Variants in BABAM2 observed in about 807,000 individuals in gnomAD.
The protein encoded by BABAM2 is BRISC and BRCA1 A complex member 2.
In BABAM2, 31 loss-of-function variants were observed where a neutral mutation model predicts 54.7. The ratio of observed to expected loss-of-function variants is 0.57; its 90% CI spans 0.43 to 0.77. The LOEUF (loss-of-function observed/expected upper bound fraction) is 0.77. BABAM2 is among the 30% of genes least tolerant of loss of function. The pLI, the probability that BABAM2 is intolerant of heterozygous loss-of-function variation, is 0.00. For missense variants in BABAM2, 364 were observed against 455.8 expected (o/e 0.80, Z 1.83); for synonymous variants, 167 against 162.9 (o/e 1.03, Z -0.19).
Position 28,322,235 on chromosome 2 carries a change from ATTCGGTGCACAAGTGTCCCTGAAC to A in BABAM2, c.1089-16207_1089-16184del, listed in dbSNP as rs961766209. On this transcript the variant is annotated intron_variant, in intron 11 of 11. Coordinates refer to ENST00000379624, the MANE Select transcript of BABAM2 (RefSeq NM_199191.3). The surrounding 1 kb of genome is among the most constrained non-coding windows in gnomAD (Gnocchi z 4.1). ...GATGGAGCTTCCAGCTGCCCCTACC[ATTCGGTGCACAAGTGTCCCTGAAC>A]TTCGGTGAAGTATGAGCCACCAAGC... Among the ~76,000 whole-genome samples the A allele has an allele frequency of 6.6e-6, 1 of 152,152 alleles. No homozygotes were observed. Among genetic ancestry groups the A allele is most frequent in the African/African-American group, 2.4e-5 (1 of 41,444 alleles).
chr2:28,281,022 T>A (rs1457292145), intron 10 of BABAM2, among the ~76,000 whole-genome samples: 1 of 152,206 alleles, frequency 6.6e-6, no homozygotes, highest in Non-Finnish European at 1.5e-5. Context: ...GGAACTTTCC[T>A]TTCTCTTTTA....
At chr2:28,013,134 A>G (rs1394727465) in intron 4 of BABAM2, among the ~76,000 whole-genome samples, 1 of 152,194 alleles carries the variant, frequency 6.6e-6, no homozygotes, top group African/African-American at 2.4e-5. Flanking sequence ...TTATAAATGG[A>G]GCCATAATTA....
At chr2:28,080,753 A>G (rs1011105403) in intron 6 of BABAM2, among the ~76,000 whole-genome samples, 1 of 152,196 alleles carries the variant, frequency 6.6e-6, no homozygotes. Flanking sequence ...ATCTGCAAGC[A>G]TATTAATTTT....
At chr2:27,964,500 A>G (rs1198737399) in intron 3 of BABAM2, among the ~76,000 whole-genome samples, 1 of 152,222 alleles carries the variant, frequency 6.6e-6, no homozygotes, top group Non-Finnish European at 1.5e-5. Flanking sequence ...TGCAAAAGCT[A>G]ACCCAGTCTT....
intron 4 of BABAM2, among the ~76,000 whole-genome samples, chr2:27,991,980 G>T (rs1672813740): frequency 6.6e-6 from 1 of 152,176 alleles, no homozygotes; most frequent in South Asian, 2.1e-4. Context: ...TACCAGAAGT[G>T]TATGAGTGTT....
chr2:28,338,117 C>T (rs961203578), intron 11 of BABAM2, among the ~76,000 whole-genome samples: 2 of 152,252 alleles, frequency 1.3e-5, no homozygotes, highest in African/African-American at 4.8e-5. Flanking sequence ...TTCAATTGCA[C>T]ACACACTGTC....
At chr2:28,279,595 A>G (rs1233409358) in intron 10 of BABAM2, among the ~76,000 whole-genome samples, 1 of 150,842 alleles carries the variant, frequency 6.6e-6, no homozygotes, top group Admixed American at 6.6e-5. Context: ...CGAAATCCCC[A>G]ACTTCTGTAT....
chr2:28,201,584 A>G (rs879455801), intron 7 of BABAM2, among the ~76,000 whole-genome samples: 4 of 152,044 alleles, frequency 2.6e-5, no homozygotes, highest in Non-Finnish European at 4.4e-5. Flanking sequence ...CCAGGAGACC[A>G]TTGTTAATTT....
At chr2:27,985,586 G>T (rs925536690) in intron 3 of BABAM2, among the ~76,000 whole-genome samples, 1 of 152,008 alleles carries the variant, frequency 6.6e-6, no homozygotes, top group African/African-American at 2.4e-5. Flanking sequence ...TTAATTTATT[G>T]AGTGTTTATT....
chr2:28,299,864 C>A (rs550188596), intron 11 of BABAM2, among the ~76,000 whole-genome samples: 2 of 152,234 alleles, frequency 1.3e-5, no homozygotes, highest in East Asian at 1.9e-4. Flanking sequence ...TTCCATGGGG[C>A]CTCCTGACCT....
chr2:28,050,499 A>C (rs1050006969), intron 6 of BABAM2, among the ~76,000 whole-genome samples: 1 of 152,166 alleles, frequency 6.6e-6, no homozygotes, highest in Non-Finnish European at 1.5e-5. Flanking sequence ...ACTGCAACAG[A>C]GTGGCCAGAA....
chr2:28,078,593 G>A lies in BABAM2; in HGVS notation c.570+32794G>A, dbSNP rs530993561. 3.3e-5 allele frequency among the ~76,000 whole-genome samples: 5 copies of A among 152,254 alleles called. No individual in the cohort carries two copies. In the South Asian group the frequency reaches 1.0e-3, roughly 32 times the overall value. Reference sequence around the variant, plus strand: ...TTTTAGGCATCCACTGGCAGGTCTTGGAACATGTTTCCCATGGATAAGGAA... The same window carrying A: ...TTTTAGGCATCCACTGGCAGGTCTTAGAACATGTTTCCCATGGATAAGGAA... On this transcript the variant is annotated intron_variant, in intron 6 of 11. Transcript: ENST00000379624.
intron 6 of BABAM2, among the ~76,000 whole-genome samples, chr2:28,094,774 G>A (rs7573920): frequency 0.059 from 8,936 of 151,572 alleles, 311 homozygotes; most frequent in East Asian, 0.15. Flanking sequence ...TTATGCAAAT[G>A]CGAGTATATG....
intron 6 of BABAM2, among the ~76,000 whole-genome samples, chr2:28,054,944 G>A (rs575473574): frequency 6.6e-6 from 1 of 152,156 alleles, no homozygotes. Flanking sequence ...CATTTAATTT[G>A]TATTTCAAAG....
chr2:27,908,506 C>T (rs1666349767), intron 2 of BABAM2, among the ~76,000 whole-genome samples: 1 of 152,106 alleles, frequency 6.6e-6, no homozygotes, highest in Non-Finnish European at 1.5e-5. Flanking sequence ...CTCTTGGACT[C>T]AAGCCATCCA....
At chr2:28,001,591 T>C (rs113821186) in intron 4 of BABAM2, among the ~76,000 whole-genome samples, 20 of 152,252 alleles carry the variant, frequency 1.3e-4, no homozygotes, top group African/African-American at 4.6e-4. Context: ...GACTGAGTAA[T>C]TTATAAAGAA....
intron 10 of BABAM2, among the ~76,000 whole-genome samples, chr2:28,260,910 A>C (rs1021714830): frequency 1.3e-5 from 2 of 150,664 alleles, no homozygotes; most frequent in African/African-American, 4.9e-5. Context: ...AGCTATCGTG[A>C]ATGAAGTTTT....
At chr2:28,162,394 TGGG>T (rs1673187158) in intron 7 of BABAM2, among the ~76,000 whole-genome samples, 6 of 152,168 alleles carry the variant, frequency 3.9e-5, no homozygotes, top group African/African-American at 1.4e-4. Flanking sequence ...ACTAAGTAGC[TGGG>T]TATTCTCTTA....
At chr2:27,979,627 T>A (rs1002316481) in intron 3 of BABAM2, among the ~76,000 whole-genome samples, 4 of 152,128 alleles carry the variant, frequency 2.6e-5, no homozygotes, top group Admixed American at 2.6e-4. Flanking sequence ...CAGCATTTTG[T>A]TATTTTTTGA....
Sources: allele counts gnomAD v4.1 joint callset (sites outside exome capture counted in the v4.1 genomes callset), GRCh38; gene constraint gnomAD v4.1.1; non-coding constraint Gnocchi (gnomAD v3.1); transcripts MANE v1.5; gene names NCBI Gene and HGNC (gene_info 2026-07-23, HGNC 2026-07-21).